Variants in PTPRG observed in about 807,000 individuals in gnomAD.
PTPRG encodes receptor-type tyrosine-protein phosphatase gamma.
PTPRG carries 102 observed loss-of-function variants against 165.3 expected under a neutral mutation model. The observed-to-expected ratio is 0.62, with a 90% confidence interval of 0.53 to 0.73. The LOEUF (loss-of-function observed/expected upper bound fraction) is 0.73, where lower values mean the gene tolerates loss of function less well. Among genes scored for constraint, PTPRG ranks in the 30% least tolerant of loss-of-function variants. PTPRG has a pLI of 0.00. For missense variants in PTPRG, 1,866 were observed against 1,861.4 expected, an observed-to-expected ratio of 1.00 and a Z score of -0.05; for synonymous variants, 675 against 669.5, an observed-to-expected ratio of 1.01 and a Z score of -0.13.
intron 2 of PTPRG, among the ~76,000 whole-genome samples, chr3:61,778,019 A>G (rs1309364850): frequency 1.3e-5 from 2 of 152,162 alleles, no homozygotes; most frequent in African/African-American, 4.8e-5. Flanking sequence ...TCATTCATGT[A>G]ACAGGATACT....
chr3:62,125,457 A>AGC (rs1703253430), intron 5 of PTPRG, among the ~76,000 whole-genome samples: 1 of 152,164 alleles, frequency 6.6e-6, no homozygotes, highest in Non-Finnish European at 1.5e-5. Flanking sequence ...GTTCACATCT[A>AGC]ATGTGTTTTG....
chr3:61,856,741 G>A (rs565635774), intron 2 of PTPRG, among the ~76,000 whole-genome samples: 1 of 152,230 alleles, frequency 6.6e-6, no homozygotes, highest in South Asian at 2.1e-4. Flanking sequence ...TATTTCATAA[G>A]GTGGCTGTTC....
rs187805017 is a variant in PTPRG, at chr3:62,040,912, A to C, written c.520-37251A>C. Among the ~76,000 whole-genome samples the C allele has an allele frequency of 1.7e-3, 252 of 152,260 alleles. 1 individual carries two copies. Among genetic ancestry groups the C allele is most frequent in the African/African-American group, 5.8e-3 (240 of 41,576 alleles). ...CAGTTTTGCCATCTTTGGGTGACTGACTTAGGCTATGCACTGGAGGCAACA... is the reference window on the plus strand; with the variant it reads ...CAGTTTTGCCATCTTTGGGTGACTGCCTTAGGCTATGCACTGGAGGCAACA... On this transcript the variant is annotated intron_variant, in intron 4 of 29. Transcript: ENST00000474889.
chr3:62,281,537 G>GATTTTTTTTTTTTTTTTTT (rs778994257), intron 26 of PTPRG, 26 bp from the exon 27 acceptor site: 2 of 175,042 alleles, frequency 1.1e-5, no homozygotes, highest in Non-Finnish European at 1.6e-5. Context: ...AACTGCAGAG[G>GATTTTTTTTTTTTTTTTTT]CTTTTTTTTT....
intron 2 of PTPRG, among the ~76,000 whole-genome samples, chr3:61,777,181 A>T (rs562875781): frequency 6.6e-6 from 1 of 152,222 alleles, no homozygotes; most frequent in South Asian, 2.1e-4. Flanking sequence ...AAAGATCCAT[A>T]CAAGTGCTGT....
At chr3:61,848,383 G>C (rs1460332161) in intron 2 of PTPRG, among the ~76,000 whole-genome samples, 1 of 152,178 alleles carries the variant, frequency 6.6e-6, no homozygotes, top group Non-Finnish European at 1.5e-5. Flanking sequence ...CCTGACCTCT[G>C]AGCAGCCCAT....
At chr3:62,174,278 C>T (rs370233026) in intron 8 of PTPRG, among the ~76,000 whole-genome samples, 3 of 152,174 alleles carry the variant, frequency 2.0e-5, no homozygotes, top group Admixed American at 6.5e-5. Flanking sequence ...CTGTTCAAAC[C>T]GCAGTGGAAT....
intron 6 of PTPRG, among the ~76,000 whole-genome samples, chr3:62,152,194 C>T (rs998425695): frequency 4.6e-5 from 7 of 151,220 alleles, no homozygotes; most frequent in African/African-American, 1.7e-4. Context: ...AGCAAGACCT[C>T]ATGTCTACTA....
At chr3:62,235,589 C>T (rs966919803) in intron 14 of PTPRG, among the ~76,000 whole-genome samples, 2 of 152,174 alleles carry the variant, frequency 1.3e-5, no homozygotes, top group African/African-American at 4.8e-5. Context: ...TTTGAGACCA[C>T]TTTTGTGCCT....
At chr3:61,688,809 T>C (rs2029955864) in intron 1 of PTPRG, among the ~76,000 whole-genome samples, 1 of 152,242 alleles carries the variant, frequency 6.6e-6, no homozygotes, top group Non-Finnish European at 1.5e-5. Context: ...GCTTCCTTTT[T>C]CTGGGTTGCC....
At chr3:62,132,802 G>T in intron 6 of PTPRG, 134 bp downstream of exon 6, 1 of 813,098 alleles carries the variant, frequency 1.2e-6, no homozygotes, top group Non-Finnish European at 2.1e-6. Flanking sequence ...GGGCATTAGA[G>T]CCATTATATG....
intron 15 of PTPRG, among the ~76,000 whole-genome samples, chr3:62,244,963 A>G (rs369247806): frequency 6.6e-6 from 1 of 152,252 alleles, no homozygotes. Flanking sequence ...GATTGTCACT[A>G]CGTGTGGTTA....
chr3:61,930,925 C>T (rs1021042709), intron 2 of PTPRG, among the ~76,000 whole-genome samples: 3 of 152,024 alleles, frequency 2.0e-5, no homozygotes, highest in East Asian at 1.9e-4. Flanking sequence ...AGAAATTAGC[C>T]GGGCATGGTG....
intron 1 of PTPRG, among the ~76,000 whole-genome samples, chr3:61,747,639 A>G (rs1409607976): frequency 6.6e-6 from 1 of 151,734 alleles, no homozygotes; most frequent in Non-Finnish European, 1.5e-5. Flanking sequence ...AGGTTTCTTA[A>G]TTTTTTTTAA....
chr3:62,033,363 T>G (rs1309474497), intron 4 of PTPRG, among the ~76,000 whole-genome samples: 2 of 43,136 alleles, frequency 4.6e-5, no homozygotes, highest in Non-Finnish European at 8.6e-5. Flanking sequence ...CCCTATACAT[T>G]TTTTTTTTTT....
At chr3:61,647,909 A>C (rs1005833142) in intron 1 of PTPRG, among the ~76,000 whole-genome samples, 1 of 151,770 alleles carries the variant, frequency 6.6e-6, no homozygotes, top group African/African-American at 2.4e-5. Flanking sequence ...TCCCTTACGA[A>C]GTGTCCTGAT....
chr3:61,807,946 G>T (rs1156979472), intron 2 of PTPRG, among the ~76,000 whole-genome samples: 2 of 152,188 alleles, frequency 1.3e-5, no homozygotes, highest in African/African-American at 4.8e-5. Context: ...AAGGCTCGCA[G>T]ACCGGGGCAT....
intron 1 of PTPRG, among the ~76,000 whole-genome samples, chr3:61,741,019 A>G (rs1362788020): frequency 6.6e-6 from 1 of 152,242 alleles, no homozygotes; most frequent in Non-Finnish European, 1.5e-5. Flanking sequence ...ACAGGCACAA[A>G]GGAAATGAGA....
chr3:61,619,783 A>G (rs575845844), intron 1 of PTPRG, among the ~76,000 whole-genome samples: 1 of 152,368 alleles, frequency 6.6e-6, no homozygotes, highest in African/African-American at 2.4e-5. Context: ...GGACAGAGCC[A>G]GAAGTTTACA....
Sources: allele counts gnomAD v4.1 joint callset (sites outside exome capture counted in the v4.1 genomes callset), GRCh38; gene constraint gnomAD v4.1.1; transcripts MANE v1.5; gene names NCBI Gene and HGNC (gene_info 2026-07-23, HGNC 2026-07-21).